STRIP2: variants seen among roughly 807,000 people sequenced by gnomAD.
STRIP2 encodes the protein striatin interacting protein 2.
Under a neutral mutation model 107.1 loss-of-function variants are expected in STRIP2, and 84 were observed. The observed-to-expected ratio is 0.78, with a 90% CI of 0.66 to 0.94. STRIP2 has a LOEUF of 0.94. STRIP2 is among the 40% of genes least tolerant of loss of function. The pLI, the probability that STRIP2 is intolerant of heterozygous loss-of-function variation, is 0.00. For missense variants in STRIP2, 888 were observed against 1,034.2 expected (o/e 0.86, Z 1.94); for synonymous variants, 394 against 400.4 (o/e 0.98, Z 0.19).
chr7:129,483,143 C>A lies in STRIP2; in HGVS notation c.2254+97C>A. On this transcript the variant is annotated intron_variant, in intron 20 of 20. Transcript: ENST00000249344. The surrounding 1 kb of genome is among the most constrained non-coding windows in gnomAD (Gnocchi z 5.1). ...ACTCCTCTTTTGGCATGAATTGTTACATATTTTAGATGAAAAAATATGTGA... is the reference window on the plus strand; with the variant it reads ...ACTCCTCTTTTGGCATGAATTGTTAAATATTTTAGATGAAAAAATATGTGA... The A allele has an allele frequency of 1.3e-6, 2 of 1,490,468 alleles. No individual in the cohort carries two copies. The highest frequency in any genetic ancestry group is 2.4e-5 in the Admixed American group (1 of 40,896). 92.3% of individuals were successfully genotyped at this position (1,490,468 alleles called of 1,614,324 possible).
At chr7:129,481,922 C>T (rs1283630156) in intron 19 of STRIP2, among the ~76,000 whole-genome samples, 1 of 151,950 alleles carries the variant, frequency 6.6e-6, no homozygotes, top group African/African-American at 2.4e-5. Context: ...AATTCCAGCA[C>T]TTCGGAAGGC....
intron 18 of STRIP2, among the ~76,000 whole-genome samples, chr7:129,472,071 T>C (rs1798801243): frequency 6.6e-6 from 1 of 152,216 alleles, no homozygotes; most frequent in Admixed American, 6.5e-5. Context: ...TACTATTTTA[T>C]AGATGGAGAA....
intron 7 of STRIP2, among the ~76,000 whole-genome samples, chr7:129,454,884 G>T (rs564142697): frequency 1.6e-4 from 25 of 152,352 alleles, no homozygotes; most frequent in African/African-American, 6.0e-4. Context: ...TCATCTGACA[G>T]GGATAGGATA....
rs201788344 is a variant in STRIP2, at chr7:129,482,131, G to A, written c.2050-711G>A. 1.5e-4 allele frequency among the ~76,000 whole-genome samples: 23 copies of A among 151,992 alleles called. No individual in the cohort carries two copies. In the East Asian group the frequency reaches 3.1e-3, roughly 20 times the overall value. On this transcript the variant is annotated intron_variant, in intron 19 of 20. Transcript: ENST00000249344. ...TGCACCACTGCACTCCAGCCTGGGC[G>A]ACAGAGTAAGACTCCATCTTAAAAA...
intron 17 of STRIP2, 44 bp downstream of exon 17, chr7:129,467,494 T>G (rs1798699135): frequency 1.4e-6 from 2 of 1,465,404 alleles, no homozygotes; most frequent in Non-Finnish European, 1.9e-6. Context: ...TATTTTGGGG[T>G]GGTTGAGAAA....
At chr7:129,464,261 C>G (rs528744979) in intron 15 of STRIP2, 120 bp downstream of exon 15, 1 of 791,508 alleles carries the variant, frequency 1.3e-6, no homozygotes, top group African/African-American at 1.7e-5. Flanking sequence ...CTCCCCGTCT[C>G]TGCCCACCAG....
intron 18 of STRIP2, among the ~76,000 whole-genome samples, chr7:129,471,107 G>T (rs966460196): frequency 6.6e-6 from 1 of 151,870 alleles, no homozygotes; most frequent in African/African-American, 2.4e-5. Flanking sequence ...TTTCATATAG[G>T]TAATAAAACC....
rs750465835 is a variant in STRIP2, at chr7:129,454,145, C to G, written c.534C>G (p.Asn178Lys). ...FLELLHMEID[N>K]SQACSSALRK... ...TCTTTTTCTCCTCCCCTGGCAGCAA[C>G]AGCCAGGCCTGTAGCAGTGCCCTTC... The change falls in exon 6 of 21, where the codon AAC becomes AAG. Residue 178 changes from asparagine to lysine, a missense_variant. Transcript: ENST00000249344. 5 of 1,613,944 alleles carry G rather than the reference C, an allele frequency of 3.1e-6. No homozygotes were observed. In the Admixed American group the frequency reaches 6.7e-5, roughly 22 times the overall value.
rs1436163826 is a variant in STRIP2 at position 129,454,523 on chromosome 7, A to C, written c.702A>C (p.Glu234Asp). The change falls in exon 7 of 21, where the codon GAA (glutamate) becomes GAC (aspartate). Residue 234 changes from glutamate to aspartate, a missense_variant. Coordinates refer to ENST00000249344, the MANE Select transcript of STRIP2 (RefSeq NM_020704.3). ...WRTARETFRT[E>D]LSFSMHNEEP... ...CAGCCCGGGAGACCTTCCGCACTGA[A>C]TTAAGTAAGAAATGGCACTTGAGGA... is the stretch of plus-strand genomic sequence containing the variant. The C allele has an allele frequency of 6.2e-7, 1 of 1,607,590 alleles. No homozygotes were observed. The highest frequency in any genetic ancestry group is 1.1e-5 in the South Asian group (1 of 90,976).
chr7:129,484,246 T>G (rs1799193088), intron 20 of STRIP2, among the ~76,000 whole-genome samples: 1 of 152,266 alleles, frequency 6.6e-6, no homozygotes, highest in African/African-American at 2.4e-5. Flanking sequence ...CCTTTTTGGC[T>G]GCAGTATGTC....
chr7:129,451,185 C>T (rs946694046), intron 3 of STRIP2, among the ~76,000 whole-genome samples: 29 of 152,096 alleles, frequency 1.9e-4, no homozygotes, highest in Admixed American at 6.5e-4. Context: ...GTGATCCGCC[C>T]GCCTCGGCCT....
intron 12 of STRIP2, among the ~76,000 whole-genome samples, chr7:129,459,880 G>GTCTA (rs1394069805): frequency 1.3e-5 from 2 of 151,000 alleles, no homozygotes; most frequent in Admixed American, 6.6e-5. Flanking sequence ...CTGTCCATAA[G>GTCTA]TCTACTAACT....
At chr7:129,460,756 C>T (rs959045432) in intron 13 of STRIP2, among the ~76,000 whole-genome samples, 1 of 152,166 alleles carries the variant, frequency 6.6e-6, no homozygotes, top group Non-Finnish European at 1.5e-5. Context: ...ACAGAGAGAA[C>T]AGCCTTAGCA....
chr7:129,465,881 C>G (rs1276832954), intron 16 of STRIP2, among the ~76,000 whole-genome samples: 6 of 152,192 alleles, frequency 3.9e-5, no homozygotes, highest in Non-Finnish European at 8.8e-5. Context: ...CAGAATCAAG[C>G]TTGCTGGTAG....
In STRIP2 at chr7:129,460,387, C is replaced by CCCT. The variant is rs780166231; in HGVS notation, c.1476+16_1476+18dup. ...CTATGTCTTTGGTGAGCCAAGGAAG[C>CCCT]CCTACACAGGAGGAGAGTAGAAGAA... On this transcript the variant is annotated intron_variant, in intron 13 of 20. Coordinates refer to ENST00000249344, the MANE Select transcript of STRIP2 (RefSeq NM_020704.3). 9.9e-6 allele frequency: 16 copies of CCCT among 1,610,480 alleles called. No homozygotes were observed. The highest frequency in any genetic ancestry group is 1.7e-5 in the Admixed American group (1 of 59,744).
At chr7:129,471,200 A>G (rs1798781694) in intron 18 of STRIP2, among the ~76,000 whole-genome samples, 1 of 152,206 alleles carries the variant, frequency 6.6e-6, no homozygotes, top group South Asian at 2.1e-4. Flanking sequence ...AGGATAGCCC[A>G]GAAAGTTTCT....
At chr7:129,475,553 C>CTTTTTTTTTTT (rs1292595061) in intron 18 of STRIP2, among the ~76,000 whole-genome samples, 109 of 35,846 alleles carry the variant, frequency 3.0e-3, no homozygotes, top group East Asian at 8.7e-3. Context: ...CTTTTTTTTT[C>CTTTTTTTTTTT]TTTTTTTTTT....
chr7:129,447,988 T>G (rs1463425365), intron 3 of STRIP2, among the ~76,000 whole-genome samples: 3 of 152,220 alleles, frequency 2.0e-5, no homozygotes, highest in Non-Finnish European at 4.4e-5. Context: ...TGATATTGTT[T>G]TTGACTTACT....
At chr7:129,449,026 C>G (rs987314674) in intron 3 of STRIP2, among the ~76,000 whole-genome samples, 2 of 152,192 alleles carry the variant, frequency 1.3e-5, no homozygotes, top group African/African-American at 4.8e-5. Context: ...TACATTAAAC[C>G]AAGGGAGAGC....
Sources: gnomAD v4.1 joint callset for allele counts (sites outside exome capture counted in the v4.1 genomes callset) on GRCh38, gnomAD v4.1.1 for gene constraint, Gnocchi (gnomAD v3.1) non-coding constraint, MANE v1.5 for transcripts, NCBI Gene and HGNC (gene_info 2026-07-23, HGNC 2026-07-21) for gene names.